Variants in CHRDL1 observed in about 807,000 individuals in gnomAD.
CHRDL1 encodes chordin-like protein 1.
Under a neutral mutation model 40.9 loss-of-function variants are expected in CHRDL1, and 19 were observed. The ratio of observed to expected loss-of-function variants is 0.46; its 90% CI spans 0.32 to 0.68. CHRDL1 has a LOEUF of 0.68. CHRDL1 is among the 30% of genes least tolerant of loss of function. CHRDL1 has a pLI of 0.03. For missense variants in CHRDL1, 329 were observed against 352.1 expected (o/e 0.93, Z 0.53); for synonymous variants, 136 against 123.4 (o/e 1.10, Z -0.68).
intron 2 of CHRDL1, 27 bp from the exon 3 acceptor site, chrX:110,762,834 C>G (rs1019949870): frequency 1.2e-6 from 1 of 843,360 alleles, no homozygotes; most frequent in African/African-American, 2.0e-5. Flanking sequence ...GGAGAATATG[C>G]CTGTTAGGAA....
intron 4 of CHRDL1, among the ~76,000 whole-genome samples, chrX:110,750,414 A>G (rs1395069326): frequency 1.8e-5 from 2 of 110,916 alleles, no homozygotes; most frequent in Non-Finnish European, 3.8e-5. Context: ...CTGCTTACTC[A>G]AGAAGAAAAC....
intron 9 of CHRDL1, 126 bp from the exon 10 acceptor site, chrX:110,681,775 T>C (rs1161928773): frequency 3.9e-6 from 2 of 516,316 alleles, no homozygotes; most frequent in Non-Finnish European, 6.3e-6. Context: ...AACAAGAACA[T>C]TCTTCGAGAG....
intron 5 of CHRDL1, among the ~76,000 whole-genome samples, 154 bp from the exon 6 acceptor site, chrX:110,720,082 C>T (rs188557029): frequency 1.1e-3 from 126 of 111,020 alleles, no homozygotes; most frequent in Non-Finnish European, 1.8e-3. Flanking sequence ...CATTTTATTA[C>T]GCATTATTTT....
At chrX:110,711,550 G>A (rs901609604) in intron 6 of CHRDL1, among the ~76,000 whole-genome samples, 2 of 111,877 alleles carry the variant, frequency 1.8e-5, no homozygotes, top group Non-Finnish European at 3.8e-5. Context: ...ACCAGGAGAT[G>A]GTGGTGTTTC....
intron 9 of CHRDL1, among the ~76,000 whole-genome samples, chrX:110,686,906 A>T (rs761607542): frequency 1.9e-5 from 2 of 107,456 alleles, no homozygotes; most frequent in Non-Finnish European, 3.8e-5. Flanking sequence ...AATAAAAAAA[A>T]AAATAAAAAG....
chrX:110,765,685 C>T (rs1202257125), intron 2 of CHRDL1, among the ~76,000 whole-genome samples: 2 of 111,380 alleles, frequency 1.8e-5, no homozygotes, highest in Non-Finnish European at 3.8e-5. Context: ...ACCATGATCC[C>T]AAATTTATAA....
intron 3 of CHRDL1, among the ~76,000 whole-genome samples, chrX:110,762,007 A>G (rs1012068281): frequency 2.7e-5 from 3 of 112,266 alleles, no homozygotes; most frequent in Non-Finnish European, 5.6e-5. Flanking sequence ...ACCAGTTTAT[A>G]ATTTGTCCTA....
intron 6 of CHRDL1, 49 bp from the exon 7 acceptor site, chrX:110,700,770 A>T: frequency 2.3e-6 from 2 of 852,796 alleles, no homozygotes; most frequent in Non-Finnish European, 3.5e-6. Context: ...CATAAAAGGG[A>T]AAGTTATCAC....
At chrX:110,778,557 A>G (rs2089889057) in intron 2 of CHRDL1, among the ~76,000 whole-genome samples, 1 of 112,031 alleles carries the variant, frequency 8.9e-6, no homozygotes, top group Admixed American at 9.4e-5. Context: ...ATTAGATATC[A>G]TCTCACACCC....
chrX:110,774,381 A>T (rs979848196), intron 2 of CHRDL1, among the ~76,000 whole-genome samples: 1 of 111,824 alleles, frequency 8.9e-6, no homozygotes, highest in Non-Finnish European at 1.9e-5. Context: ...ATGCATTACA[A>T]TAAGTGAAAT....
chrX:110,730,019 G>A (rs370151883), intron 4 of CHRDL1, among the ~76,000 whole-genome samples: 3 of 112,027 alleles, frequency 2.7e-5, no homozygotes, highest in South Asian at 7.6e-4. Context: ...AGGCTGGTAG[G>A]GAAAGAGATG....
At chrX:110,744,894 C>G (rs746689007) in intron 4 of CHRDL1, among the ~76,000 whole-genome samples, 2 of 109,672 alleles carry the variant, frequency 1.8e-5, no homozygotes, top group East Asian at 5.7e-4. Flanking sequence ...TACCTTAATT[C>G]AGTTAATCCT....
intron 4 of CHRDL1, among the ~76,000 whole-genome samples, chrX:110,729,314 CT>C (rs1259090151): frequency 1.9e-4 from 20 of 105,027 alleles, no homozygotes; most frequent in East Asian, 8.9e-4. Flanking sequence ...CTTTAGATTT[CT>C]TTTTTTTTTT....
chrX:110,715,383 G>T (rs905549403), intron 6 of CHRDL1, among the ~76,000 whole-genome samples: 16 of 111,101 alleles, frequency 1.4e-4, no homozygotes, highest in African/African-American at 5.2e-4. Flanking sequence ...AATAAATATA[G>T]TAATTACTAT....
rs1341397960 is a variant in CHRDL1, at chrX:110,738,006, G to A, written c.302-16476C>T. Among the ~76,000 whole-genome samples the A allele has an allele frequency of 5.4e-5, 6 of 112,040 alleles. No homozygotes were observed. The South Asian group carries it at 1.1e-3, about 21-fold the overall frequency. ...GCTGCTAAACATCCCACAATGCACA[G>A]GATAGACGATATGACAAAGAATTAT... On this transcript the variant is annotated intron_variant, in intron 4 of 11. Transcript: ENST00000372042.
At chrX:110,791,382 C>T (rs1353996903) in intron 2 of CHRDL1, among the ~76,000 whole-genome samples, 1 of 111,752 alleles carries the variant, frequency 8.9e-6, no homozygotes, top group Non-Finnish European at 1.9e-5. Flanking sequence ...ATATGTCGAC[C>T]GTTACTCATA....
chrX:110,689,957 ATCTATATATCTATATAT>A (rs2070223755), intron 8 of CHRDL1, among the ~76,000 whole-genome samples: 2 of 45,351 alleles, frequency 4.4e-5, no homozygotes, highest in Non-Finnish European at 7.1e-5. Flanking sequence ...ATCTATATAT[ATCTATATATCTATATAT>A]ATCTATATAT....
intron 2 of CHRDL1, among the ~76,000 whole-genome samples, chrX:110,782,416 G>A (rs868003809): frequency 2.7e-5 from 3 of 112,170 alleles, no homozygotes; most frequent in African/African-American, 9.7e-5. Flanking sequence ...AACCTTTACA[G>A]AATTCTGCCT....
intron 6 of CHRDL1, among the ~76,000 whole-genome samples, chrX:110,708,072 T>C (rs192892776): frequency 6.7e-4 from 74 of 110,821 alleles, no homozygotes; most frequent in African/African-American, 2.4e-3. Flanking sequence ...ATTAGAGAAG[T>C]GCAAATCAAA....
Sources: gnomAD v4.1 joint callset for allele counts (sites outside exome capture counted in the v4.1 genomes callset) on GRCh38, gnomAD v4.1.1 for gene constraint, MANE v1.5 for transcripts, NCBI Gene and HGNC (gene_info 2026-07-23, HGNC 2026-07-21) for gene names.